Variants in SLC8A1 observed in about 807,000 individuals in gnomAD.
SLC8A1 encodes sodium/calcium exchanger 1.
SLC8A1 carries 18 observed loss-of-function variants against 68.3 expected under a neutral mutation model. The ratio of observed to expected loss-of-function variants is 0.26; its 90% CI spans 0.18 to 0.39. SLC8A1 has a LOEUF of 0.39. Among genes scored for constraint, SLC8A1 ranks in the 10% least tolerant of loss-of-function variants. The probability of loss-of-function intolerance (pLI) is 1.00; values close to 1 mark genes in which losing one functional copy is unlikely to be tolerated. For synonymous variants in SLC8A1, 475 were observed against 415.5 expected (o/e 1.14, Z -1.74); for missense variants, 985 against 1,156.7 (o/e 0.85, Z 2.15).
At chr2:40,129,803 C>G (rs183045962) in intron 7 of SLC8A1, among the ~76,000 whole-genome samples, 2 of 152,300 alleles carry the variant, frequency 1.3e-5, no homozygotes, top group African/African-American at 4.8e-5. Context: ...CTCTGGCCAA[C>G]CTAGAGTATG....
At chr2:40,360,917 T>A (rs1217189039) in intron 2 of SLC8A1, among the ~76,000 whole-genome samples, 1 of 152,066 alleles carries the variant, frequency 6.6e-6, no homozygotes, top group Non-Finnish European at 1.5e-5. Context: ...GGATAAATTG[T>A]GAGTCAGACA....
intron 2 of SLC8A1, among the ~76,000 whole-genome samples, chr2:40,405,276 T>C (rs1689979326): frequency 6.6e-6 from 1 of 152,100 alleles, no homozygotes; most frequent in South Asian, 2.1e-4. Context: ...TGGCTTAGAG[T>C]TAGAAGGAGA....
At chr2:40,104,250 A>C (rs1286189437) in exon 8 of SLC8A1, 1 of 152,310 alleles carries the variant, frequency 6.6e-6, no homozygotes, top group African/African-American at 2.4e-5. Context: ...CAAAGTCCAA[A>C]AGAGCAACAG....
chr2:40,134,114 T>C (rs1356887566), intron 7 of SLC8A1, among the ~76,000 whole-genome samples: 1 of 151,544 alleles, frequency 6.6e-6, no homozygotes, highest in Non-Finnish European at 1.5e-5. Context: ...TTTTTTGAGA[T>C]GGAATCTTGC....
chr2:40,171,907 G>A (rs1208091007), intron 4 of SLC8A1, among the ~76,000 whole-genome samples: 4 of 152,198 alleles, frequency 2.6e-5, no homozygotes, highest in Non-Finnish European at 5.9e-5. Context: ...GATTCCAAAA[G>A]CACCTCCAAC....
At chr2:40,159,675 T>C (rs1048610116) in intron 6 of SLC8A1, among the ~76,000 whole-genome samples, 1 of 152,184 alleles carries the variant, frequency 6.6e-6, no homozygotes, top group African/African-American at 2.4e-5. Context: ...AGAGCTTATA[T>C]GCAAATTCCA....
chr2:40,486,597 A>G lies in SLC8A1; in HGVS notation c.-25+25752T>C, dbSNP rs1704981763. Reference sequence around the variant, plus strand: ...TTAAAATTGTTACATTTTTTAAAACACACAGATAATATATCAATGAATACA... The same window carrying G: ...TTAAAATTGTTACATTTTTTAAAACGCACAGATAATATATCAATGAATACA... On this transcript the variant is annotated intron_variant, in intron 1 of 7. Transcript: ENST00000402441. 4.6e-5 allele frequency among the ~76,000 whole-genome samples: 7 copies of G among 152,370 alleles called. No homozygotes were observed. The South Asian group carries it at 1.4e-3, about 32-fold the overall frequency.
At chr2:40,366,564 G>C (rs571198554) in intron 2 of SLC8A1, among the ~76,000 whole-genome samples, 1 of 152,176 alleles carries the variant, frequency 6.6e-6, no homozygotes, top group East Asian at 1.9e-4. Flanking sequence ...CTGTTCTGTA[G>C]ATGCAATTAT....
intron 2 of SLC8A1, among the ~76,000 whole-genome samples, chr2:40,261,966 C>CTTTTTT (rs35330106): frequency 7.0e-6 from 1 of 142,102 alleles, no homozygotes. Context: ...TGTCTTTTCA[C>CTTTTTT]TTTTTTTTTT....
intron 2 of SLC8A1, among the ~76,000 whole-genome samples, chr2:40,262,352 C>G (rs1049590126): frequency 6.6e-6 from 1 of 152,216 alleles, no homozygotes; most frequent in African/African-American, 2.4e-5. Flanking sequence ...TAAACCAATG[C>G]TTTCCATTCT....
At chr2:40,418,572 T>C (rs1694570017) in intron 2 of SLC8A1, among the ~76,000 whole-genome samples, 1 of 152,196 alleles carries the variant, frequency 6.6e-6, no homozygotes, top group African/African-American at 2.4e-5. Context: ...TCAATGTCTG[T>C]AGTAGCCTCA....
intron 2 of SLC8A1, among the ~76,000 whole-genome samples, chr2:40,188,212 T>C (rs1486537229): frequency 6.6e-6 from 1 of 152,238 alleles, no homozygotes; most frequent in Non-Finnish European, 1.5e-5. Flanking sequence ...TTAACATTCT[T>C]ATAAGACTAC....
chr2:40,335,490 C>A (rs1665670243), intron 2 of SLC8A1, among the ~76,000 whole-genome samples: 1 of 152,192 alleles, frequency 6.6e-6, no homozygotes, highest in South Asian at 2.1e-4. Flanking sequence ...ATACTGTGTA[C>A]AACCAGGAAA....
intron 2 of SLC8A1, among the ~76,000 whole-genome samples, chr2:40,252,886 AGCCAAATTT>A (rs2063048290): frequency 1.2e-5 from 1 of 86,320 alleles, no homozygotes; most frequent in African/African-American, 5.4e-5. Flanking sequence ...ATATATTTTG[AGCCAAATTT>A]TATATGTATG....
chr2:40,358,766 GT>G (rs1181257798), intron 2 of SLC8A1, among the ~76,000 whole-genome samples: 1 of 152,128 alleles, frequency 6.6e-6, no homozygotes, highest in Non-Finnish European at 1.5e-5. Context: ...CTCTCATAAG[GT>G]TTTTTGTCTA....
intron 2 of SLC8A1, among the ~76,000 whole-genome samples, chr2:40,368,968 G>C (rs1677132050): frequency 6.6e-6 from 1 of 151,906 alleles, no homozygotes; most frequent in South Asian, 2.1e-4. Flanking sequence ...ATTGTGCTGG[G>C]ATAACTGGCT....
At chr2:40,474,208 G>T (rs1287733159) in intron 1 of SLC8A1, among the ~76,000 whole-genome samples, 9 of 152,012 alleles carry the variant, frequency 5.9e-5, no homozygotes, top group Admixed American at 5.9e-4. Flanking sequence ...TCCTGGCTTG[G>T]GAAACATCAG....
chr2:40,440,631 C>T (rs1353165242), intron 1 of SLC8A1, among the ~76,000 whole-genome samples: 3 of 152,050 alleles, frequency 2.0e-5, no homozygotes, highest in Non-Finnish European at 4.4e-5. Context: ...AATTACTACC[C>T]AAAATCCATA....
chr2:40,181,366 T>C (rs767942726), intron 2 of SLC8A1, among the ~76,000 whole-genome samples: 3 of 152,210 alleles, frequency 2.0e-5, no homozygotes, highest in Non-Finnish European at 4.4e-5. Flanking sequence ...CACTAGCATA[T>C]CCCTAGTCAT....
Sources: allele counts gnomAD v4.1 joint callset (sites outside exome capture counted in the v4.1 genomes callset), GRCh38; gene constraint gnomAD v4.1.1; transcripts MANE v1.5; gene names NCBI Gene and HGNC (gene_info 2026-07-23, HGNC 2026-07-21).